The following NR2C1 variants were observed in gnomAD, a reference collection of about 807,000 sequenced individuals.
The protein encoded by NR2C1 is nuclear receptor subfamily 2 group C member 1, also known as TR2 nuclear hormone receptor.
In NR2C1, 33 loss-of-function variants were observed where a neutral mutation model predicts 74.8. That is an observed-to-expected ratio of 0.44 (90% CI 0.33 to 0.59). The LOEUF is 0.59. NR2C1 is among the 20% of genes least tolerant of loss of function. The pLI, the probability that NR2C1 is intolerant of heterozygous loss-of-function variation, is 0.02. For synonymous variants in NR2C1, 225 were observed against 240.6 expected (o/e 0.94, Z 0.60); for missense variants, 568 against 715.6 (o/e 0.79, Z 2.35).
At chr12:95,059,121 G>C (rs1042343315) in intron 4 of NR2C1, among the ~76,000 whole-genome samples, 4 of 151,550 alleles carry the variant, frequency 2.6e-5, no homozygotes, top group African/African-American at 4.8e-5. Context: ...GGCCAACATG[G>C]CAAAAGCCCG....
At chr12:95,045,300 C>T (rs937409013) in intron 9 of NR2C1, among the ~76,000 whole-genome samples, 21 of 152,184 alleles carry the variant, frequency 1.4e-4, no homozygotes, top group African/African-American at 5.1e-4. Context: ...ATGTGGAGGG[C>T]CCTAAAAGGT....
chr12:95,067,136 T>C, intron 2 of NR2C1, 195 bp downstream of exon 2: 1 of 604,702 alleles, frequency 1.7e-6, no homozygotes, highest in Non-Finnish European at 2.9e-6. Flanking sequence ...TTGCACCTGA[T>C]ACAATGACCT....
At chr12:95,073,201 C>T (rs1214166083) in intron 1 of NR2C1, among the ~76,000 whole-genome samples, 179 bp downstream of exon 1, 4 of 152,218 alleles carry the variant, frequency 2.6e-5, no homozygotes, top group African/African-American at 7.2e-5. Context: ...CGCAGCTCCG[C>T]GCTCCCAGCC....
At chr12:95,030,671 T>C (rs911753032) in intron 11 of NR2C1, 1 of 1,606,810 alleles carries the variant, frequency 6.2e-7, no homozygotes, top group Non-Finnish European at 8.5e-7. Context: ...AAAAATTATA[T>C]AAAACAATAA....
chr12:95,066,802 G>C lies in NR2C1; in HGVS notation c.54+529C>G, dbSNP rs1163741701. The C allele has an allele frequency of 1.9e-5, 3 of 154,188 alleles. No individual in the cohort carries two copies. In the Admixed American group the frequency reaches 2.0e-4, roughly 10 times the overall value. The allele number at this position is 154,188 out of a possible 1,614,324, so 9.6% of individuals were successfully genotyped here. A position where few individuals can be genotyped will look rare whatever the true frequency, so the allele number is the denominator to read the frequency against. ...AAAATTCCATTGTATACCTGGGAGAGAACAATACTGAAAAGGCAAATAACA... is the reference window on the plus strand; with the variant it reads ...AAAATTCCATTGTATACCTGGGAGACAACAATACTGAAAAGGCAAATAACA... On this transcript the variant is annotated intron_variant, in intron 2 of 13. Coordinates refer to ENST00000333003, the MANE Select transcript of NR2C1 (RefSeq NM_003297.4).
chr12:95,032,742 C>T (rs1286404354), intron 10 of NR2C1, among the ~76,000 whole-genome samples: 1 of 152,130 alleles, frequency 6.6e-6, no homozygotes, highest in Non-Finnish European at 1.5e-5. Context: ...CTGAGGCAGA[C>T]GCATCACTTG....
intron 13 of NR2C1, among the ~76,000 whole-genome samples, chr12:95,023,708 G>A (rs1869023355): frequency 6.6e-6 from 1 of 152,156 alleles, no homozygotes; most frequent in South Asian, 2.1e-4. Flanking sequence ...CCTATCTTGT[G>A]TCAAAGTGCC....
At chr12:95,072,161 C>T (rs1407434017) in intron 1 of NR2C1, among the ~76,000 whole-genome samples, 2 of 151,402 alleles carry the variant, frequency 1.3e-5, no homozygotes, top group Non-Finnish European at 2.9e-5. Flanking sequence ...CGCCTGTAAT[C>T]CCAGTACTTT....
At chr12:95,067,236 T>C (rs1485541817) in intron 2 of NR2C1, 95 bp downstream of exon 2, 3 of 929,000 alleles carry the variant, frequency 3.2e-6, no homozygotes, top group Non-Finnish European at 5.3e-6. Context: ...TTAGGGAATA[T>C]CTTTTATTTC....
Position 95,052,094 on chromosome 12 carries a change from C to T in NR2C1, c.784-151G>A, listed in dbSNP as rs17041169. ...AAAGGGCTGAGCTTTCAGAAATTTA[C>T]TGAGGAAAATACAAGTTTAAAAACA... On this transcript the variant is annotated intron_variant, in intron 7 of 13. Coordinates refer to ENST00000333003, the MANE Select transcript of NR2C1 (RefSeq NM_003297.4). 8.2e-3 allele frequency: 4,083 copies of T among 497,090 alleles called. 119 individuals are homozygous for T. Among genetic ancestry groups the T allele is most frequent in the African/African-American group, 0.071 (3,565 of 50,100 alleles). The allele number at this position is 497,090 out of a possible 1,614,324, so 30.8% of individuals were successfully genotyped here.
chr12:95,057,660 C>T lies in NR2C1; in HGVS notation c.693-17G>A. On this transcript the variant is annotated splice_polypyrimidine_tract_variant and intron_variant, in intron 6 of 13. Transcript: ENST00000333003. ...CCTGTTGACCTGTAACAAATCAGCACAAATTTTGGCCTGAGTTTCATTGGG... is the reference window on the plus strand; with the variant it reads ...CCTGTTGACCTGTAACAAATCAGCATAAATTTTGGCCTGAGTTTCATTGGG... The T allele has an allele frequency of 6.2e-7, 1 of 1,612,882 alleles. No individual in the cohort carries two copies. Among genetic ancestry groups the T allele is most frequent in the Non-Finnish European group, 8.5e-7 (1 of 1,179,572 alleles).
At chr12:95,035,433 T>C (rs759352339) in intron 10 of NR2C1, among the ~76,000 whole-genome samples, 1 of 152,152 alleles carries the variant, frequency 6.6e-6, no homozygotes, top group South Asian at 2.1e-4. Context: ...CCAAAGTAGT[T>C]TGCTAGTAAA....
At position 95,022,220 on chromosome 12, in the gene NR2C1, TCA is replaced by T. The variant is rs1281930180; in HGVS notation, c.*7_*8del. On this transcript the variant is annotated 3_prime_UTR_variant, in exon 14 of 14. Coordinates refer to ENST00000333003, the MANE Select transcript of NR2C1 (RefSeq NM_003297.4). ...AACAGTTAAGTTTACAGCACTGCAG[TCA>T]CAGTTTTCAAATGCTGTGACCAATT... is the stretch of plus-strand genomic sequence containing the variant. 3 of 1,604,302 alleles carry T rather than the reference TCA, an allele frequency of 1.9e-6. No individual in the cohort carries two copies. The highest frequency in any genetic ancestry group is 2.2e-5 in the South Asian group (2 of 89,322).
chr12:95,024,173 G>A (rs1254095410), intron 13 of NR2C1, among the ~76,000 whole-genome samples: 2 of 152,164 alleles, frequency 1.3e-5, no homozygotes, highest in Non-Finnish European at 2.9e-5. Context: ...ATTATTATAT[G>A]TAAAAATGTT....
In NR2C1 at chr12:95,021,852, T is replaced by G. The variant is rs766531948; in HGVS notation, c.*377A>C. On this transcript the variant is annotated 3_prime_UTR_variant, in exon 14 of 14. Coordinates refer to ENST00000333003, the MANE Select transcript of NR2C1 (RefSeq NM_003297.4). ...TAGGGATTTCTGACCATTAAGTATT[T>G]TTACTAGTTCATAATGAAGTTAAAT... is the stretch of plus-strand genomic sequence containing the variant. 3.2e-5 allele frequency: 5 copies of G among 155,122 alleles called. No homozygotes were observed. Among genetic ancestry groups the G allele is most frequent in the Non-Finnish European group, 7.1e-5 (5 of 70,132 alleles). The allele number at this position is 155,122 out of a possible 1,614,324, so 9.6% of individuals were successfully genotyped here.
chr12:95,030,769 TG>T, intron 11 of NR2C1: 1 of 1,611,312 alleles, frequency 6.2e-7, no homozygotes, highest in South Asian at 1.1e-5. Flanking sequence ...CATTTGTTGA[TG>T]GGGCACTGTT....
intron 10 of NR2C1, among the ~76,000 whole-genome samples, chr12:95,036,096 TA>T (rs1870785594): frequency 6.6e-6 from 1 of 152,170 alleles, no homozygotes; most frequent in African/African-American, 2.4e-5. Flanking sequence ...CTCCTCCATT[TA>T]AGGTTAATAT....
chr12:95,049,865 G>A (rs932342730), intron 8 of NR2C1, among the ~76,000 whole-genome samples: 1 of 152,038 alleles, frequency 6.6e-6, no homozygotes, highest in African/African-American at 2.4e-5. Flanking sequence ...GCATGATCAT[G>A]GCTCACTGTA....
chr12:95,042,148 T>C (rs1266068353), intron 9 of NR2C1, among the ~76,000 whole-genome samples: 2 of 151,596 alleles, frequency 1.3e-5, no homozygotes, highest in Non-Finnish European at 2.9e-5. Context: ...CTGGGTGGGG[T>C]AGGTAGATGT....
Sources: gnomAD v4.1 joint callset for allele counts (sites outside exome capture counted in the v4.1 genomes callset) on GRCh38, gnomAD v4.1.1 for gene constraint, MANE v1.5 for transcripts, NCBI Gene and HGNC (gene_info 2026-07-23, HGNC 2026-07-21) for gene names.